ZC3H3: variants seen among roughly 807,000 people sequenced by gnomAD.
ZC3H3 encodes zinc finger CCCH-type containing 3.
A neutral mutation model predicts 77.3 loss-of-function variants in ZC3H3; 36 were observed. The ratio of observed to expected loss-of-function variants is 0.47; its 90% CI spans 0.36 to 0.61. The LOEUF (loss-of-function observed/expected upper bound fraction) is 0.61, where lower values mean the gene tolerates loss of function less well. Among genes scored for constraint, ZC3H3 ranks in the 20% least tolerant of loss-of-function variants. The pLI is 0.00. For missense variants in ZC3H3, 1,331 were observed against 1,312.2 expected (o/e 1.01, Z -0.22); for synonymous variants, 626 against 555.2 (o/e 1.13, Z -1.79).
At chr8:143,515,956 A>G (rs963535952) in intron 3 of ZC3H3, among the ~76,000 whole-genome samples, 1 of 152,114 alleles carries the variant, frequency 6.6e-6, no homozygotes, top group African/African-American at 2.4e-5. Context: ...TCAGCACCCT[A>G]GCATCTAGCC....
At chr8:143,438,201 C>G (rs76247763) in intron 11 of ZC3H3, 114 bp from the exon 12 acceptor site, 3 of 1,352,810 alleles carry the variant, frequency 2.2e-6, no homozygotes, top group Non-Finnish European at 3.1e-6. Context: ...CAAGCACACA[C>G]AGCAAGGTCT....
At chr8:143,501,956 G>A (rs1821539097) in intron 4 of ZC3H3, among the ~76,000 whole-genome samples, 1 of 152,246 alleles carries the variant, frequency 6.6e-6, no homozygotes, top group South Asian at 2.1e-4. Flanking sequence ...TGAGGACGCA[G>A]GGCCTTCAGA....
chr8:143,512,507 G>A (rs1212446183), intron 3 of ZC3H3, among the ~76,000 whole-genome samples: 1 of 152,266 alleles, frequency 6.6e-6, no homozygotes, highest in Non-Finnish European at 1.5e-5. Flanking sequence ...GGTGCCCTGA[G>A]CACGAGGCAG....
intron 9 of ZC3H3, among the ~76,000 whole-genome samples, chr8:143,459,925 G>A (rs1301871135): frequency 1.3e-5 from 2 of 152,108 alleles, no homozygotes; most frequent in Non-Finnish European, 2.9e-5. Flanking sequence ...GCCCACAGTT[G>A]CCATTTTAAT....
chr8:143,507,181 C>T (rs985019717), intron 4 of ZC3H3, among the ~76,000 whole-genome samples: 3 of 152,250 alleles, frequency 2.0e-5, no homozygotes, highest in South Asian at 4.1e-4. Flanking sequence ...CCCGGGATAG[C>T]GGCCCCAGGA....
At chr8:143,450,374 T>C (rs1027219074) in intron 9 of ZC3H3, among the ~76,000 whole-genome samples, 1 of 151,482 alleles carries the variant, frequency 6.6e-6, no homozygotes, top group Non-Finnish European at 1.5e-5. Flanking sequence ...AGAGATGGGG[T>C]TTGGCCATGT....
intron 4 of ZC3H3, among the ~76,000 whole-genome samples, chr8:143,485,384 A>G (rs1057187404): frequency 3.9e-5 from 6 of 152,262 alleles, no homozygotes; most frequent in Admixed American, 2.0e-4. Context: ...AAGTGGGTCA[A>G]CAGTGAGGAT....
intron 9 of ZC3H3, among the ~76,000 whole-genome samples, chr8:143,454,736 T>C (rs1820070349): frequency 6.6e-6 from 1 of 152,082 alleles, no homozygotes; most frequent in African/African-American, 2.4e-5. Flanking sequence ...CTTAAGTGCA[T>C]GCTATTCTGA....
At chr8:143,444,260 C>T (rs1054918223) in intron 9 of ZC3H3, among the ~76,000 whole-genome samples, 4 of 152,154 alleles carry the variant, frequency 2.6e-5, no homozygotes, top group Admixed American at 6.5e-5. Flanking sequence ...AGGTGTGAGC[C>T]ACCGCACCTG....
chr8:143,498,927 G>A lies in ZC3H3; in HGVS notation c.1715+8819C>T, dbSNP rs186128594. Among the ~76,000 whole-genome samples, 3 of 140,890 alleles carry A rather than the reference G, an allele frequency of 2.1e-5. No homozygotes were observed. In the East Asian group the frequency reaches 6.1e-4, roughly 29 times the overall value. The allele number at this position is 140,890 out of a possible 152,430, so 92.4% of individuals were successfully genotyped here. A position where few individuals can be genotyped will look rare whatever the true frequency, so the allele number is the denominator to read the frequency against. Reference sequence around the variant, plus strand: ...CGGAGGGGCACAGGACGGGGCAGAGGGGCACAGGGCAGTGCAGGGGGTACA... The same window carrying A: ...CGGAGGGGCACAGGACGGGGCAGAGAGGCACAGGGCAGTGCAGGGGGTACA... On this transcript the variant is annotated intron_variant, in intron 4 of 11. Transcript: ENST00000262577.
At chr8:143,463,602 G>A (rs1820326013) in intron 9 of ZC3H3, among the ~76,000 whole-genome samples, 1 of 152,224 alleles carries the variant, frequency 6.6e-6, no homozygotes, top group South Asian at 2.1e-4. Flanking sequence ...AGAAGGTGGA[G>A]TTTTCTAGTC....
intron 9 of ZC3H3, among the ~76,000 whole-genome samples, chr8:143,446,319 C>T (rs746688885): frequency 1.3e-5 from 2 of 151,994 alleles, no homozygotes; most frequent in Admixed American, 6.5e-5. Context: ...AAACTATGTC[C>T]GTTAAAATCA....
At chr8:143,490,677 G>C (rs1821176378) in intron 4 of ZC3H3, among the ~76,000 whole-genome samples, 1 of 152,254 alleles carries the variant, frequency 6.6e-6, no homozygotes, top group African/African-American at 2.4e-5. Flanking sequence ...CACTTTGGGA[G>C]GCCAAGGCAG....
chr8:143,468,695 C>T (rs778562649), intron 5 of ZC3H3, 36 bp from the exon 6 acceptor site: 7 of 1,534,560 alleles, frequency 4.6e-6, no homozygotes, highest in Non-Finnish European at 6.1e-6. Context: ...TAGCAGGCCA[C>T]AGCCTGGCCC....
intron 9 of ZC3H3, among the ~76,000 whole-genome samples, chr8:143,442,310 G>A (rs543759982): frequency 1.2e-3 from 178 of 151,720 alleles, no homozygotes; most frequent in African/African-American, 4.1e-3. Context: ...ACAGCGCCTC[G>A]CAGTGCTTTG....
intron 5 of ZC3H3, among the ~76,000 whole-genome samples, chr8:143,471,127 C>A (rs1160532026): frequency 1.3e-5 from 2 of 152,248 alleles, no homozygotes; most frequent in Admixed American, 1.3e-4. Context: ...CAAGGGACAA[C>A]ATCCACGATG....
At chr8:143,505,387 C>CG (rs1250072942) in intron 4 of ZC3H3, among the ~76,000 whole-genome samples, 1 of 152,250 alleles carries the variant, frequency 6.6e-6, no homozygotes, top group Non-Finnish European at 1.5e-5. Context: ...CTGGCCCAGA[C>CG]GCCCTTTCTG....
intron 4 of ZC3H3, among the ~76,000 whole-genome samples, chr8:143,483,716 C>T (rs1820971672): frequency 6.6e-6 from 1 of 152,194 alleles, no homozygotes; most frequent in Non-Finnish European, 1.5e-5. Flanking sequence ...TGGCTATGGC[C>T]ACCTCATCTC....
intron 4 of ZC3H3, among the ~76,000 whole-genome samples, chr8:143,499,009 T>C (rs1415479171): frequency 1.3e-5 from 2 of 151,826 alleles, no homozygotes; most frequent in Non-Finnish European, 2.9e-5. Context: ...ATGGCTCAAA[T>C]GCAAGCCACC....
Sources: gnomAD v4.1 joint callset for allele counts (sites outside exome capture counted in the v4.1 genomes callset) on GRCh38, gnomAD v4.1.1 for gene constraint, MANE v1.5 for transcripts, NCBI Gene and HGNC (gene_info 2026-07-23, HGNC 2026-07-21) for gene names.